RBL1: variants seen among roughly 807,000 people sequenced by gnomAD.
RBL1 encodes RB transcriptional corepressor like 1.
RBL1 carries 82 observed loss-of-function variants against 123.0 expected under a neutral mutation model. The observed-to-expected ratio is 0.67, with a 90% CI of 0.56 to 0.80. RBL1 has a LOEUF of 0.80. Ranked by LOEUF, RBL1 falls within the 30% of genes least tolerant of loss-of-function variation. The probability of loss-of-function intolerance (pLI) is 0.00; values close to 1 mark genes in which losing one functional copy is unlikely to be tolerated. For missense variants in RBL1, 1,171 were observed against 1,299.6 expected (o/e 0.90, Z 1.52); for synonymous variants, 405 against 441.3 (o/e 0.92, Z 1.03).
At chr20:37,016,095 T>C (rs2064248385) in intron 19 of RBL1, among the ~76,000 whole-genome samples, 1 of 150,338 alleles carries the variant, frequency 6.7e-6, no homozygotes, top group Non-Finnish European at 1.5e-5. Flanking sequence ...TGGTGTGATC[T>C]TGGCTCACTG....
chr20:37,041,751 A>T (rs1241595315), intron 13 of RBL1, among the ~76,000 whole-genome samples: 2 of 152,212 alleles, frequency 1.3e-5, no homozygotes, highest in African/African-American at 2.4e-5. Flanking sequence ...AGCAAAAGAA[A>T]AAATATCTGA....
intron 16 of RBL1, among the ~76,000 whole-genome samples, chr20:37,026,980 G>C (rs1175312159): frequency 6.8e-6 from 1 of 147,690 alleles, no homozygotes; most frequent in African/African-American, 2.5e-5. Context: ...CCAGCCTGGT[G>C]ACAGAGTGAG....
chr20:37,069,398 C>A (rs1296544008), intron 2 of RBL1, among the ~76,000 whole-genome samples: 1 of 150,122 alleles, frequency 6.7e-6, no homozygotes, highest in Non-Finnish European at 1.5e-5. Context: ...GTGAGGAGCA[C>A]CTCTTCCTCG....
chr20:37,077,424 T>C (rs2065382711), intron 2 of RBL1, among the ~76,000 whole-genome samples: 1 of 152,186 alleles, frequency 6.6e-6, no homozygotes. Flanking sequence ...CTCTTCATAA[T>C]GTAGGTGGAA....
rs544905510 is a variant in RBL1 at position 36,996,493 on chromosome 20, T to C, written c.*2266A>G. On this transcript the variant is annotated 3_prime_UTR_variant, in exon 22 of 22. Transcript: ENST00000373664. Reference sequence around the variant, plus strand: ...TCTTGCCCTCTCACCTAGGATGGAGTGTAGTGGTGCAATCACAGCTCACTG... The same window carrying C: ...TCTTGCCCTCTCACCTAGGATGGAGCGTAGTGGTGCAATCACAGCTCACTG... 2 of 152,226 alleles carry C rather than the reference T, an allele frequency of 1.3e-5. No homozygotes were observed. Among genetic ancestry groups the C allele is most frequent in the South Asian group, 2.1e-4 (1 of 4,830 alleles). The allele number at this position is 152,226 out of a possible 1,614,324, so 9.4% of individuals were successfully genotyped here. A position where few individuals can be genotyped will look rare whatever the true frequency, so the allele number is the denominator to read the frequency against.
intron 1 of RBL1, among the ~76,000 whole-genome samples, chr20:37,092,189 AAAAGAG>A (rs1470075318): frequency 1.3e-5 from 2 of 152,140 alleles, no homozygotes; most frequent in African/African-American, 2.4e-5. Context: ...TCAAAAAAGA[AAAAGAG>A]AAAGAGTTGT....
rs377174698 is a variant in RBL1 at position 37,044,271 on chromosome 20, A to T, written c.1606-21T>A. On this transcript the variant is annotated intron_variant, in intron 12 of 21. Coordinates refer to ENST00000373664, the MANE Select transcript of RBL1 (RefSeq NM_002895.5). ...ATAACCTGCAGAGGAGAAAGTGAGA[A>T]GGCAATGTGGTTTCAAGCAGTTAGT... is the stretch of plus-strand genomic sequence containing the variant. 7.4e-6 allele frequency: 12 copies of T among 1,612,736 alleles called. No homozygotes were observed. The African/African-American group carries it at 1.6e-4, about 22-fold the overall frequency.
intron 1 of RBL1, among the ~76,000 whole-genome samples, 189 bp downstream of exon 1, chr20:37,095,582 TCA>T (rs994392860): frequency 2.1e-4 from 32 of 152,134 alleles, no homozygotes; most frequent in African/African-American, 7.7e-4. Flanking sequence ...TTCCTGAGCT[TCA>T]GTTTCCCGCC....
At chr20:37,092,704 C>G (rs2065668236) in intron 1 of RBL1, among the ~76,000 whole-genome samples, 1 of 152,042 alleles carries the variant, frequency 6.6e-6, no homozygotes, top group African/African-American at 2.4e-5. Flanking sequence ...GTTGCCCAGG[C>G]TGGTCTTGAA....
chr20:37,056,351 CTTTTTT>C (rs199931898), intron 9 of RBL1, 93 bp from the exon 10 acceptor site: 218 of 971,352 alleles, frequency 2.2e-4, no homozygotes, highest in East Asian at 1.7e-3. Context: ...CCTTCTTCTT[CTTTTTT>C]TTTTTTTTTT....
intron 16 of RBL1, among the ~76,000 whole-genome samples, chr20:37,027,812 T>C (rs2064449746): frequency 6.6e-6 from 1 of 152,192 alleles, no homozygotes; most frequent in Non-Finnish European, 1.5e-5. Flanking sequence ...TGGAGTGTAG[T>C]AGCACCTTCT....
At chr20:37,038,592 C>T (rs2064668405) in intron 14 of RBL1, among the ~76,000 whole-genome samples, 1 of 148,716 alleles carries the variant, frequency 6.7e-6, no homozygotes, top group Admixed American at 6.8e-5. Context: ...AGCCACTGTG[C>T]CTGGCCTTTT....
Position 37,035,284 on chromosome 20 carries a change from C to T in RBL1, c.2128G>A (p.Val710Ile), listed in dbSNP as rs1167909571. ...ACTTTATGTCCTGTTGTTCCTGTTA[C>T]TGGGGCTGTGGCCATTGTTAGAAGA... Reference protein sequence around the residue: ...QTLLTMATAPVTGTTGHKVTI... With the variant: ...QTLLTMATAPITGTTGHKVTI... The change falls in exon 15 of 22, where the codon GTA becomes ATA. Residue 710 changes from valine to isoleucine, a missense_variant. Val to Ile is a conservative substitution (Grantham distance 29). Coordinates refer to ENST00000373664, the MANE Select transcript of RBL1 (RefSeq NM_002895.5). The T allele has an allele frequency of 3.1e-6, 5 of 1,613,890 alleles. No homozygotes were observed. Among genetic ancestry groups the T allele is most frequent in the Non-Finnish European group, 2.5e-6 (3 of 1,179,790 alleles).
Position 37,040,203 on chromosome 20 carries a change from A to G in RBL1, c.1853T>C (p.Met618Thr). 1 of 1,614,094 alleles carries G rather than the reference A, an allele frequency of 6.2e-7. No homozygotes were observed. The highest frequency in any genetic ancestry group is 8.5e-7 in the Non-Finnish European group (1 of 1,180,002). Residue 618 changes from methionine to threonine, a missense_variant, in exon 14 of 22, where the codon ATG (methionine) becomes ACG (threonine). Transcript: ENST00000373664. ...HLPLMPMSPL[M>T]HPRVKEVRTD... is the part of the protein sequence containing the mutation. The stretch of plus-strand genomic sequence containing the variant: ...TCGAACTTCCTTGACTCTTGGGTGC[A>G]TTAGAGGAGACATTGGCATCAGGGG...
intron 16 of RBL1, among the ~76,000 whole-genome samples, chr20:37,023,171 G>A (rs1044778785): frequency 2.6e-5 from 4 of 151,742 alleles, no homozygotes; most frequent in African/African-American, 7.3e-5. Context: ...ACCCAGGCTG[G>A]AGTGCAGTGG....
At chr20:37,000,619 A>G (rs1272229756) in intron 21 of RBL1, among the ~76,000 whole-genome samples, 8 of 139,028 alleles carry the variant, frequency 5.8e-5, no homozygotes, top group African/African-American at 2.2e-4. Flanking sequence ...GGGCCCGGCC[A>G]GCCGCCACAT....
rs533222564 is a variant in RBL1, at chr20:36,996,978, T to C, written c.*1781A>G. On this transcript the variant is annotated 3_prime_UTR_variant, in exon 22 of 22. Transcript: ENST00000373664. ...AATTGAAAAATGAAATTCTTGAGAA[T>C]ACTAATTAGTGACGGCCAAATCTTA... 5 of 152,190 alleles carry C rather than the reference T, an allele frequency of 3.3e-5. No individual in the cohort carries two copies. Among genetic ancestry groups the C allele is most frequent in the Non-Finnish European group, 7.3e-5 (5 of 68,032 alleles). 9.4% of individuals were successfully genotyped at this position (152,190 alleles called of 1,614,324 possible).
chr20:37,070,096 T>C (rs913230845), intron 2 of RBL1, among the ~76,000 whole-genome samples: 2 of 152,198 alleles, frequency 1.3e-5, no homozygotes, highest in African/African-American at 4.8e-5. Flanking sequence ...GAAGTAGACA[T>C]GGGAGACTTT....
chr20:37,080,984 C>G (rs182492421), intron 2 of RBL1, among the ~76,000 whole-genome samples: 1 of 152,150 alleles, frequency 6.6e-6, no homozygotes, highest in Non-Finnish European at 1.5e-5. Context: ...GGGTGAAATC[C>G]TCTCTTCCTG....
Sources: gnomAD v4.1 joint callset for allele counts (sites outside exome capture counted in the v4.1 genomes callset) on GRCh38, gnomAD v4.1.1 for gene constraint, MANE v1.5 for transcripts, NCBI Gene and HGNC (gene_info 2026-07-23, HGNC 2026-07-21) for gene names.